MYO1B: variants seen among roughly 807,000 people sequenced by gnomAD.
MYO1B encodes the protein myosin IB, also known as unconventional myosin-Ib.
MYO1B carries 72 observed loss-of-function variants against 159.7 expected under a neutral mutation model. The ratio of observed to expected loss-of-function variants is 0.45; its 90% CI spans 0.37 to 0.55. The LOEUF is 0.55. MYO1B is among the 20% of genes least tolerant of loss of function. The pLI is 0.00. For synonymous variants in MYO1B, 468 were observed against 473.8 expected, an observed-to-expected ratio of 0.99 and a Z score of 0.16; for missense variants, 1,062 against 1,364.8, an observed-to-expected ratio of 0.78 and a Z score of 3.50.
rs187916359 is a variant in MYO1B at position 191,319,911 on chromosome 2, A to G, written c.252-10024A>G. 3.7e-3 allele frequency among the ~76,000 whole-genome samples: 563 copies of G among 152,250 alleles called. 3 individuals are homozygous for G. Among genetic ancestry groups the G allele is most frequent in the Middle Eastern group, 0.017 (5 of 294 alleles). ...GAGTCATGGTAATGAAAAAAACTAC[A>G]TTTTTTGACAGCATTGTATCAAGAT... On this transcript the variant is annotated intron_variant, in intron 3 of 30. Transcript: ENST00000392318.
chr2:191,359,245 G>A (rs1214751703), intron 7 of MYO1B, among the ~76,000 whole-genome samples: 1 of 150,096 alleles, frequency 6.7e-6, no homozygotes, highest in African/African-American at 2.4e-5. Context: ...ATTTTTTAGA[G>A]ATGGTAACTA....
chr2:191,248,291 G>T (rs774536997), intron 1 of MYO1B, among the ~76,000 whole-genome samples: 45 of 152,280 alleles, frequency 3.0e-4, no homozygotes, highest in Non-Finnish European at 6.0e-4. Flanking sequence ...AGGCCTGGAG[G>T]AGTTAAGTAA....
Position 191,364,158 on chromosome 2 carries a change from A to C in MYO1B, c.914A>C (p.Glu305Ala), listed in dbSNP as rs1192529962. 1 of 1,613,170 alleles carries C rather than the reference A, an allele frequency of 6.2e-7. No individual in the cohort carries two copies. Among genetic ancestry groups the C allele is most frequent in the East Asian group, 2.2e-5 (1 of 44,876 alleles). Reference sequence around the variant, plus strand: ...GTGTCCATCCCCTGCCTTCCCACAGAGTTAAAAGAAATTTGTGAATTGACC... The same window carrying C: ...GTGTCCATCCCCTGCCTTCCCACAGCGTTAAAAGAAATTTGTGAATTGACC... ...LDESKIKDKN[E>A]LKEICELTGI... Residue 305 changes from glutamate (E) to alanine (A), a missense_variant and splice_region_variant, in exon 11 of 31, where the codon GAG becomes GCG. By Grantham distance (107) the Glu-to-Ala change is moderately radical. Transcript: ENST00000392318.
intron 3 of MYO1B, among the ~76,000 whole-genome samples, chr2:191,327,554 A>G (rs945555257): frequency 1.6e-4 from 24 of 152,222 alleles, no homozygotes; most frequent in Admixed American, 5.9e-4. Flanking sequence ...AGATACATCT[A>G]TAGGGCCCAG....
At chr2:191,415,610 T>C (rs905822958) in intron 29 of MYO1B, among the ~76,000 whole-genome samples, 17 of 152,186 alleles carry the variant, frequency 1.1e-4, no homozygotes, top group African/African-American at 4.1e-4. Context: ...TTTTGTTTTT[T>C]TTTTGAATAA....
chr2:191,341,097 G>A lies in MYO1B; in HGVS notation c.347-364G>A, dbSNP rs576814197. ...GCAGTCTTTTAAACTTTAAAAATACGTTTGGTAAAGATACCCAGGTTATCA... is the reference window on the plus strand; with the variant it reads ...GCAGTCTTTTAAACTTTAAAAATACATTTGGTAAAGATACCCAGGTTATCA... On this transcript the variant is annotated intron_variant, in intron 4 of 30. Coordinates refer to ENST00000392318, the MANE Select transcript of MYO1B (RefSeq NM_001130158.3). 3.3e-4 allele frequency among the ~76,000 whole-genome samples: 50 copies of A among 152,174 alleles called. No homozygotes were observed. In the South Asian group the frequency reaches 5.8e-3, roughly 18 times the overall value.
rs1220939899 is a variant in MYO1B at position 191,400,960 on chromosome 2, G to C, written c.2469+125G>C. ...GCTCACACTGGTGCATGTCCTAGCCGCCAGATTTAACACACCTGGAAACAT... is the reference window on the plus strand; with the variant it reads ...GCTCACACTGGTGCATGTCCTAGCCCCCAGATTTAACACACCTGGAAACAT... On this transcript the variant is annotated intron_variant, in intron 23 of 30. Coordinates refer to ENST00000392318, the MANE Select transcript of MYO1B (RefSeq NM_001130158.3). 4.5e-6 allele frequency: 4 copies of C among 885,568 alleles called. No individual in the cohort carries two copies. In the East Asian group the frequency reaches 1.1e-4, roughly 24 times the overall value. The allele number at this position is 885,568 out of a possible 1,614,324, so 54.9% of individuals were successfully genotyped here.
At chr2:191,260,589 CT>C (rs1207737162) in intron 1 of MYO1B, among the ~76,000 whole-genome samples, 1 of 152,046 alleles carries the variant, frequency 6.6e-6, no homozygotes. Context: ...CATTTAGCTA[CT>C]TACAATAGAA....
intron 1 of MYO1B, among the ~76,000 whole-genome samples, chr2:191,258,444 A>G (rs1175930536): frequency 6.6e-6 from 1 of 152,212 alleles, no homozygotes; most frequent in Non-Finnish European, 1.5e-5. Flanking sequence ...GTTACTGTAC[A>G]CTGCTGTAGA....
chr2:191,268,723 G>A (rs569110213), intron 1 of MYO1B, among the ~76,000 whole-genome samples: 4 of 152,262 alleles, frequency 2.6e-5, no homozygotes, highest in East Asian at 1.9e-4. Flanking sequence ...AGGTTCACCC[G>A]CATGATAGCT....
chr2:191,414,257 A>G, intron 28 of MYO1B, 77 bp downstream of exon 28: 1 of 1,514,614 alleles, frequency 6.6e-7, no homozygotes. Flanking sequence ...GAATGTAAAA[A>G]TTTGCATTTC....
chr2:191,248,580 T>C (rs1685927292), intron 1 of MYO1B, among the ~76,000 whole-genome samples: 1 of 152,184 alleles, frequency 6.6e-6, no homozygotes, highest in African/African-American at 2.4e-5. Context: ...TGGGGTATCG[T>C]ACTACATGTG....
At chr2:191,294,082 G>T (rs1385514797) in intron 2 of MYO1B, among the ~76,000 whole-genome samples, 1 of 152,146 alleles carries the variant, frequency 6.6e-6, no homozygotes, top group Non-Finnish European at 1.5e-5. Context: ...ACTGTTCTAG[G>T]TGATAGAGAT....
intron 20 of MYO1B, among the ~76,000 whole-genome samples, chr2:191,395,764 G>C (rs1397049147): frequency 6.6e-6 from 1 of 152,218 alleles, no homozygotes; most frequent in African/African-American, 2.4e-5. Context: ...CCTGACTGTT[G>C]TGCTTTCTGT....
At chr2:191,390,998 A>G (rs1052080415) in intron 18 of MYO1B, among the ~76,000 whole-genome samples, 1 of 152,282 alleles carries the variant, frequency 6.6e-6, no homozygotes, top group African/African-American at 2.4e-5. Context: ...AGGGCCATAC[A>G]GCTTTCAGCT....
chr2:191,320,201 T>C (rs1017384463), intron 3 of MYO1B, among the ~76,000 whole-genome samples: 1 of 152,208 alleles, frequency 6.6e-6, no homozygotes, highest in African/African-American at 2.4e-5. Flanking sequence ...TGACTTGTCC[T>C]CACATCACTA....
At chr2:191,315,386 C>T (rs6749360) in intron 3 of MYO1B, among the ~76,000 whole-genome samples, 17,135 of 152,110 alleles carry the variant, frequency 0.11, 3,134 homozygotes, top group African/African-American at 0.39. Flanking sequence ...GTAAGCTGCA[C>T]AGTAAGCTGA....
intron 5 of MYO1B, among the ~76,000 whole-genome samples, chr2:191,342,865 A>G (rs1275965560): frequency 6.6e-6 from 1 of 152,054 alleles, no homozygotes; most frequent in African/African-American, 2.4e-5. Context: ...AAAGAAAAAA[A>G]ACTTGTTTTA....
intron 3 of MYO1B, among the ~76,000 whole-genome samples, chr2:191,324,121 C>T (rs550766959): frequency 2.0e-5 from 3 of 152,170 alleles, no homozygotes; most frequent in African/African-American, 7.2e-5. Context: ...TTCCTTTCAA[C>T]CTATCTATGA....
Sources: gnomAD v4.1 joint callset for allele counts (sites outside exome capture counted in the v4.1 genomes callset) on GRCh38, gnomAD v4.1.1 for gene constraint, MANE v1.5 for transcripts, NCBI Gene and HGNC (gene_info 2026-07-23, HGNC 2026-07-21) for gene names.